CACNA2D3: variants seen among roughly 807,000 people sequenced by gnomAD.
CACNA2D3 encodes the protein voltage-dependent calcium channel subunit alpha-2/delta-3.
Under a neutral mutation model 160.6 loss-of-function variants are expected in CACNA2D3, and 60 were observed. That is an observed-to-expected ratio of 0.37 (90% CI 0.30 to 0.46). CACNA2D3 has a LOEUF of 0.46. CACNA2D3 is among the 20% of genes least tolerant of loss of function. The pLI, the probability that CACNA2D3 is intolerant of heterozygous loss-of-function variation, is 1.00. For synonymous variants in CACNA2D3, 558 were observed against 492.9 expected (o/e 1.13, Z -1.75); for missense variants, 1,205 against 1,365.0 (o/e 0.88, Z 1.85).
chr3:54,421,111 G>A (rs1358939992), intron 4 of CACNA2D3, among the ~76,000 whole-genome samples: 1 of 152,200 alleles, frequency 6.6e-6, no homozygotes, highest in African/African-American at 2.4e-5. Flanking sequence ...TTTGCTCTGA[G>A]ATGAAGCAAG....
chr3:54,432,937 C>A (rs1428027408), intron 4 of CACNA2D3, among the ~76,000 whole-genome samples: 1 of 151,800 alleles, frequency 6.6e-6, no homozygotes, highest in Non-Finnish European at 1.5e-5. Context: ...TTTCACCATG[C>A]CTTTTGCGTG....
chr3:54,341,543 A>G (rs963058899), intron 3 of CACNA2D3, among the ~76,000 whole-genome samples: 1 of 152,336 alleles, frequency 6.6e-6, no homozygotes, highest in Non-Finnish European at 1.5e-5. Flanking sequence ...TCTGGTGTAC[A>G]TAGGATGGCA....
intron 11 of CACNA2D3, among the ~76,000 whole-genome samples, chr3:54,669,325 T>C (rs960049677): frequency 6.6e-6 from 1 of 152,200 alleles, no homozygotes; most frequent in African/African-American, 2.4e-5. Flanking sequence ...CAAGGAGCAT[T>C]GTGTAAAGGA....
chr3:54,752,798 T>A (rs759208183), intron 12 of CACNA2D3, 121 bp downstream of exon 12: 40 of 654,644 alleles, frequency 6.1e-5, no homozygotes, highest in Non-Finnish European at 1.0e-4. Flanking sequence ...TATATCTAAG[T>A]GATTACTGAT....
At chr3:54,570,505 TTGATAA>T (rs1326635615) in intron 8 of CACNA2D3, among the ~76,000 whole-genome samples, 3 of 151,204 alleles carry the variant, frequency 2.0e-5, no homozygotes, top group Non-Finnish European at 2.9e-5. Flanking sequence ...ATGATAATAA[TTGATAA>T]TAATAATAAT....
At chr3:54,229,178 G>T (rs1021739623) in intron 2 of CACNA2D3, among the ~76,000 whole-genome samples, 1 of 151,678 alleles carries the variant, frequency 6.6e-6, no homozygotes. Context: ...GAATTTGAAA[G>T]TATTTCAGCT....
chr3:54,827,409 A>G (rs1046227888), intron 14 of CACNA2D3, among the ~76,000 whole-genome samples: 4 of 152,262 alleles, frequency 2.6e-5, no homozygotes, highest in Non-Finnish European at 5.9e-5. Flanking sequence ...AGATAGATCA[A>G]TAAAAATGAC....
intron 5 of CACNA2D3, among the ~76,000 whole-genome samples, chr3:54,524,696 T>G (rs1282762677): frequency 6.6e-6 from 1 of 152,138 alleles, no homozygotes; most frequent in East Asian, 1.9e-4. Flanking sequence ...GTATAATTGT[T>G]ATATCTTCCC....
At chr3:54,340,992 C>T (rs1241886455) in intron 3 of CACNA2D3, among the ~76,000 whole-genome samples, 1 of 152,212 alleles carries the variant, frequency 6.6e-6, no homozygotes, top group Non-Finnish European at 1.5e-5. Context: ...CTTCCCTGCT[C>T]TGAAGCTTCA....
intron 11 of CACNA2D3, 128 bp downstream of exon 11, chr3:54,642,369 G>C (rs535967721): frequency 1.9e-6 from 1 of 528,990 alleles, no homozygotes; most frequent in Non-Finnish European, 3.2e-6. Context: ...TCTCAGCCTT[G>C]TGTTTTTTGG....
chr3:54,930,990 G>A (rs1334226452), intron 27 of CACNA2D3, among the ~76,000 whole-genome samples: 1 of 151,342 alleles, frequency 6.6e-6, no homozygotes, highest in East Asian at 1.9e-4. Context: ...CAGCTACTCA[G>A]GAGGCTGAGG....
rs566071734 is a variant in CACNA2D3 at position 54,723,450 on chromosome 3, T to C, written c.1168-29149T>C. ...GGCGCCACTGGGGTATGGAAAAAAC[T>C]CCTACAGCTAGTTCGGTGTCTGCCC... On this transcript the variant is annotated intron_variant, in intron 11 of 37. Coordinates refer to ENST00000474759, the MANE Select transcript of CACNA2D3 (RefSeq NM_018398.3). Among the ~76,000 whole-genome samples the C allele has an allele frequency of 9.9e-5, 15 of 152,276 alleles. No homozygotes were observed. In the South Asian group the frequency reaches 2.9e-3, roughly 29 times the overall value.
chr3:54,453,063 C>G (rs76900188), intron 4 of CACNA2D3, among the ~76,000 whole-genome samples: 1 of 152,074 alleles, frequency 6.6e-6, no homozygotes, highest in African/African-American at 2.4e-5. Context: ...ATGATCACAG[C>G]TGTCTGTAGC....
intron 13 of CACNA2D3, among the ~76,000 whole-genome samples, chr3:54,793,176 A>G (rs538309576): frequency 6.6e-6 from 1 of 152,202 alleles, no homozygotes; most frequent in Non-Finnish European, 1.5e-5. Flanking sequence ...ACCCATCTCA[A>G]CCATCCAAAG....
At chr3:54,133,314 A>G (rs990443030) in intron 2 of CACNA2D3, among the ~76,000 whole-genome samples, 1 of 152,190 alleles carries the variant, frequency 6.6e-6, no homozygotes, top group African/African-American at 2.4e-5. Context: ...TTAACATCTG[A>G]GACAGAGGAT....
At chr3:54,472,989 A>G (rs1390192629) in intron 4 of CACNA2D3, among the ~76,000 whole-genome samples, 1 of 152,228 alleles carries the variant, frequency 6.6e-6, no homozygotes, top group Non-Finnish European at 1.5e-5. Context: ...CGCTGTCCCC[A>G]TCAAGCTACC....
chr3:54,583,458 C>T (rs1465726990), intron 9 of CACNA2D3, among the ~76,000 whole-genome samples: 1 of 152,138 alleles, frequency 6.6e-6, no homozygotes, highest in Non-Finnish European at 1.5e-5. Context: ...CAATGAGGTC[C>T]TCACCTTTAT....
At chr3:55,043,685 T>C (rs1704011443) in intron 35 of CACNA2D3, among the ~76,000 whole-genome samples, 2 of 152,202 alleles carry the variant, frequency 1.3e-5, no homozygotes. Context: ...ATTGTACTTT[T>C]GTTTCATATC....
intron 29 of CACNA2D3, 53 bp downstream of exon 29, chr3:54,969,897 T>C (rs1702232575): frequency 1.3e-6 from 2 of 1,512,654 alleles, no homozygotes; most frequent in Admixed American, 1.7e-5. Flanking sequence ...AGGTGACAGA[T>C]GGTGCTTTAT....
Sources: allele counts gnomAD v4.1 joint callset (sites outside exome capture counted in the v4.1 genomes callset), GRCh38; gene constraint gnomAD v4.1.1; transcripts MANE v1.5; gene names NCBI Gene and HGNC (gene_info 2026-07-23, HGNC 2026-07-21).